Variants in KIF21A observed in about 807,000 individuals in gnomAD.
KIF21A encodes the protein kinesin family member 21A.
In KIF21A, 114 loss-of-function variants were observed where a neutral mutation model predicts 202.9. The observed-to-expected ratio is 0.56, with a 90% confidence interval of 0.48 to 0.66. The LOEUF (loss-of-function observed/expected upper bound fraction) is 0.66, where lower values mean the gene tolerates loss of function less well. Ranked by LOEUF, KIF21A falls within the 30% of genes least tolerant of loss-of-function variation. The probability of loss-of-function intolerance (pLI) is 0.00; values close to 1 mark genes in which losing one functional copy is unlikely to be tolerated. For synonymous variants in KIF21A, 667 were observed against 670.8 expected (o/e 0.99, Z 0.09); for missense variants, 1,677 against 1,994.9 (o/e 0.84, Z 3.04).
At position 39,442,652 on chromosome 12, in the gene KIF21A, A is replaced by C. The variant is rs1475054401; in HGVS notation, c.44+275T>G. On this transcript the variant is annotated intron_variant, in intron 1 of 37. Coordinates refer to ENST00000361418, the MANE Select transcript of KIF21A (RefSeq NM_001173464.2). The surrounding 1 kb of genome is among the most constrained non-coding windows in gnomAD (Gnocchi z 5.0). ...GGAGTGACGAGGGCTTTTCCCCCAGAGAAGTCAAGACGCCCCCCAGGGACC... is the reference window on the plus strand; with the variant it reads ...GGAGTGACGAGGGCTTTTCCCCCAGCGAAGTCAAGACGCCCCCCAGGGACC... Among the ~76,000 whole-genome samples, 2 of 152,146 alleles carry C rather than the reference A, an allele frequency of 1.3e-5. No homozygotes were observed. The highest frequency in any genetic ancestry group is 4.8e-5 in the African/African-American group (2 of 41,424).
intron 24 of KIF21A, chr12:39,330,038 T>C (rs1565795298): frequency 6.0e-6 from 3 of 495,888 alleles, no homozygotes; most frequent in Middle Eastern, 9.4e-4. Flanking sequence ...CATACTTCTT[T>C]AAACATCTAA....
At position 39,395,589 on chromosome 12, in the gene KIF21A, C is replaced by A. The variant is rs559719441; in HGVS notation, c.45-25328G>T. Among the ~76,000 whole-genome samples, 156 of 152,108 alleles carry A rather than the reference C, an allele frequency of 1.0e-3. 1 individual carries two copies. Among genetic ancestry groups the A allele is most frequent in the Non-Finnish European group, 1.7e-3 (116 of 68,032 alleles). On this transcript the variant is annotated intron_variant, in intron 1 of 37. Coordinates refer to ENST00000361418, the MANE Select transcript of KIF21A (RefSeq NM_001173464.2). ...GGGCGCAGTGGCTGACGCCTGTAAT[C>A]CCAGCACTTTGGGAGGCTGAGGCGG...
At position 39,332,343 on chromosome 12, in the gene KIF21A, C is replaced by A. The variant is rs1244501187; in HGVS notation, c.2922G>T (p.Glu974Asp). Residue 974 changes from glutamate (E) to aspartate (D), a missense_variant, in exon 21 of 38, where the codon GAG (glutamate) becomes GAT (aspartate). Physicochemically the swap from Glu to Asp is conservative, Grantham distance 45. Coordinates refer to ENST00000361418, the MANE Select transcript of KIF21A (RefSeq NM_001173464.2). ...CCACATTTTTATCTCCCTCTCCATT[C>A]TCCTTGACTATCTTCTCCCTTCTTT... ...LSKRREKIVK[E>D]NGEGDKNVAN... is the part of the protein sequence containing the mutation. 4 of 1,613,876 alleles carry A rather than the reference C, an allele frequency of 2.5e-6. No homozygotes were observed. The highest frequency in any genetic ancestry group is 3.3e-5 in the Admixed American group (2 of 59,982).
intron 19 of KIF21A, 59 bp from the exon 20 acceptor site, chr12:39,332,803 G>C: frequency 6.3e-7 from 1 of 1,593,444 alleles, no homozygotes; most frequent in Non-Finnish European, 8.6e-7. Context: ...ATTGTGCACT[G>C]CCAAATAATG....
intron 6 of KIF21A, among the ~76,000 whole-genome samples, chr12:39,365,168 C>G: frequency 6.6e-6 from 1 of 152,192 alleles, no homozygotes; most frequent in Non-Finnish European, 1.5e-5. Flanking sequence ...CCCTTAGCCC[C>G]CTCATTCACC....
At chr12:39,341,765 A>G in intron 13 of KIF21A, 143 bp from the exon 14 acceptor site, 1 of 956,558 alleles carries the variant, frequency 1.0e-6, no homozygotes, top group Non-Finnish European at 1.6e-6. Context: ...AGGTTATTAC[A>G]GAGTAATTTT....
chr12:39,315,101 G>T, intron 31 of KIF21A, 128 bp downstream of exon 31: 2 of 854,116 alleles, frequency 2.3e-6, no homozygotes, highest in Non-Finnish European at 3.9e-6. Context: ...GTTAAATATG[G>T]CAAATTTGTA....
At chr12:39,349,137 A>G (rs1948152316) in intron 11 of KIF21A, among the ~76,000 whole-genome samples, 1 of 152,084 alleles carries the variant, frequency 6.6e-6, no homozygotes, top group Non-Finnish European at 1.5e-5. Flanking sequence ...ACGAATGGCT[A>G]AAGCAGAAAT....
At chr12:39,339,892 T>C (rs1307755390) in intron 16 of KIF21A, among the ~76,000 whole-genome samples, 3 of 152,198 alleles carry the variant, frequency 2.0e-5, no homozygotes, top group Non-Finnish European at 2.9e-5. Flanking sequence ...TTTTATACTT[T>C]TGTTAAGCTT....
intron 10 of KIF21A, 108 bp from the exon 11 acceptor site, chr12:39,352,088 A>C: frequency 1.2e-6 from 1 of 835,376 alleles, no homozygotes; most frequent in Non-Finnish European, 2.0e-6. Flanking sequence ...GCTCTGTAGC[A>C]CTAAGCAAAT....
At chr12:39,356,938 G>A (rs771428533) in intron 9 of KIF21A, 43 bp from the exon 10 acceptor site, 2 of 930,988 alleles carry the variant, frequency 2.1e-6, no homozygotes, top group South Asian at 1.4e-5. Flanking sequence ...TTTAAATTAA[G>A]ACTTCAACAA....
intron 1 of KIF21A, among the ~76,000 whole-genome samples, chr12:39,378,311 TGTG>T (rs1950390864): frequency 6.6e-6 from 1 of 152,158 alleles, no homozygotes; most frequent in African/African-American, 2.4e-5. Flanking sequence ...GGGGTAACAT[TGTG>T]CCACTCTGTT....
intron 1 of KIF21A, among the ~76,000 whole-genome samples, chr12:39,403,857 C>T (rs1484155462): frequency 6.6e-6 from 1 of 152,066 alleles, no homozygotes; most frequent in Non-Finnish European, 1.5e-5. Context: ...CTGTTGAAGA[C>T]TTAATGAAAA....
chr12:39,387,766 C>G (rs376428499), intron 1 of KIF21A, among the ~76,000 whole-genome samples: 15 of 152,138 alleles, frequency 9.9e-5, no homozygotes, highest in African/African-American at 3.6e-4. Context: ...AGAGAGCTGA[C>G]TTCCCATCTC....
chr12:39,442,178 G>C lies in KIF21A; in HGVS notation c.44+749C>G, dbSNP rs911874231. On this transcript the variant is annotated intron_variant, in intron 1 of 37. Transcript: ENST00000361418. The surrounding 1 kb of genome is among the most constrained non-coding windows in gnomAD (Gnocchi z 5.0). ...GCCTGGGTAACGTTACGATTACATT[G>C]TATCCACCCTGCCTAATGTCAGTAT... Among the ~76,000 whole-genome samples the C allele has an allele frequency of 6.6e-6, 1 of 152,026 alleles. No individual in the cohort carries two copies. Among genetic ancestry groups the C allele is most frequent in the African/African-American group, 2.4e-5 (1 of 41,366 alleles).
At position 39,369,907 on chromosome 12, in the gene KIF21A, CCA is replaced by C; in HGVS notation, c.270_271del (p.Gly91SerfsTer3). 2 of 1,612,842 alleles carry C rather than the reference CCA, an allele frequency of 1.2e-6. No homozygotes were observed. The highest frequency in any genetic ancestry group is 1.7e-6 in the Non-Finnish European group (2 of 1,179,160). ...TCCCATTGTGTATGTTTTACCAGCT[CCA>C]GTCTAAACAAAAGAACAGAGAAAGA... On this transcript the variant is annotated frameshift_variant and splice_region_variant, in exon 3 of 38. Coordinates refer to ENST00000361418, the MANE Select transcript of KIF21A (RefSeq NM_001173464.2). LOFTEE classifies it high-confidence loss of function.
intron 1 of KIF21A, among the ~76,000 whole-genome samples, chr12:39,416,763 G>A (rs201627881): frequency 1.1e-5 from 1 of 88,530 alleles, no homozygotes; most frequent in Non-Finnish European, 2.1e-5. Context: ...ATATATATGT[G>A]TATATATATA....
rs997559627 is a variant in KIF21A, at chr12:39,320,093, G to T, written c.3672-80C>A. 3.9e-6 allele frequency: 3 copies of T among 776,510 alleles called. No homozygotes were observed. The African/African-American group carries it at 5.2e-5, about 14-fold the overall frequency. The allele number at this position is 776,510 out of a possible 1,614,324, so 48.1% of individuals were successfully genotyped here. A position where few individuals can be genotyped will look rare whatever the true frequency, so the allele number is the denominator to read the frequency against. ...TTGGTAGATAGTCAATCTAAAATTTGTAATAGGTTAATAACTGGAACCTCA... is the reference window on the plus strand; with the variant it reads ...TTGGTAGATAGTCAATCTAAAATTTTTAATAGGTTAATAACTGGAACCTCA... On this transcript the variant is annotated intron_variant, in intron 27 of 37. Coordinates refer to ENST00000361418, the MANE Select transcript of KIF21A (RefSeq NM_001173464.2).
intron 35 of KIF21A, 74 bp downstream of exon 35, chr12:39,304,747 T>A (rs1943289727): frequency 1.2e-6 from 1 of 812,700 alleles, no homozygotes; most frequent in African/African-American, 1.7e-5. Context: ...GAGAAAGAGG[T>A]CCTAGATGAA....
Sources: gnomAD v4.1 joint callset for allele counts (sites outside exome capture counted in the v4.1 genomes callset) on GRCh38, gnomAD v4.1.1 for gene constraint, Gnocchi (gnomAD v3.1) non-coding constraint, MANE v1.5 for transcripts, NCBI Gene and HGNC (gene_info 2026-07-23, HGNC 2026-07-21) for gene names.